EXPH5: variants seen among roughly 807,000 people sequenced by gnomAD.
EXPH5 encodes the protein exophilin-5.
Under a neutral mutation model 41.1 loss-of-function variants are expected in EXPH5, and 42 were observed. The observed-to-expected ratio is 1.02, with a 90% CI of 0.80 to 1.32. The LOEUF (loss-of-function observed/expected upper bound fraction) is 1.32. Among genes scored for constraint, EXPH5 ranks in the 40% most tolerant of loss-of-function variants. The pLI is 0.00. For synonymous variants in EXPH5, 798 were observed against 833.5 expected (o/e 0.96, Z 0.73); for missense variants, 2,298 against 2,314.5 (o/e 0.99, Z 0.15).
intron 3 of EXPH5, among the ~76,000 whole-genome samples, chr11:108,533,091 A>G (rs2093854119): frequency 6.6e-6 from 1 of 152,142 alleles, no homozygotes; most frequent in Non-Finnish European, 1.5e-5. Context: ...TCTTCCTCAG[A>G]TTCTTCATGA....
intron 1 of EXPH5, among the ~76,000 whole-genome samples, chr11:108,576,491 A>C (rs1379706131): frequency 6.6e-6 from 1 of 152,152 alleles, no homozygotes; most frequent in African/African-American, 2.4e-5. Context: ...AACATTGTTA[A>C]TGTACAAAAT....
chr11:108,522,409 C>T (rs2093770901), intron 4 of EXPH5, among the ~76,000 whole-genome samples: 1 of 152,076 alleles, frequency 6.6e-6, no homozygotes, highest in Non-Finnish European at 1.5e-5. Context: ...TTTAACTACC[C>T]TATGGAGTTG....
chr11:108,539,267 G>A lies in EXPH5; in HGVS notation c.281-81C>T, dbSNP rs557582827. ...GAAAGAATGAAGCCTTTGCTCTTGT[G>A]TCACTTTCTCCCTCTTATGCAGACT... On this transcript the variant is annotated intron_variant, in intron 2 of 5. Coordinates refer to ENST00000265843, the MANE Select transcript of EXPH5 (RefSeq NM_015065.3). The A allele has an allele frequency of 6.1e-5, 65 of 1,063,718 alleles. No homozygotes were observed. The East Asian group carries it at 1.5e-3, about 25-fold the overall frequency. 65.9% of individuals were successfully genotyped at this position (1,063,718 alleles called of 1,614,324 possible).
chr11:108,538,517 T>C (rs2093893484), intron 3 of EXPH5, among the ~76,000 whole-genome samples: 1 of 152,194 alleles, frequency 6.6e-6, no homozygotes, highest in East Asian at 1.9e-4. Flanking sequence ...CCTTCAGTAT[T>C]TCTAGTAACA....
chr11:108,604,884 C>T, the EXPH5 span, among the ~76,000 whole-genome samples: 5 of 152,052 alleles, frequency 3.3e-5, no homozygotes, highest in Non-Finnish European at 7.4e-5. Flanking sequence ...TGTAAGTGTA[C>T]AGGAAATTTT....
In EXPH5 at chr11:108,518,252, T is replaced by C. The variant is rs1216089997; in HGVS notation, c.614A>G (p.Glu205Gly). 5 of 1,613,412 alleles carry C rather than the reference T, an allele frequency of 3.1e-6. No homozygotes were observed. Among genetic ancestry groups the C allele is most frequent in the Non-Finnish European group, 4.2e-6 (5 of 1,179,804 alleles). The change falls in exon 5 of 6, where the codon GAG becomes GGG. Residue 205 changes from glutamate (E) to glycine (G), a missense_variant. Physicochemically the swap from Glu to Gly is moderately conservative, Grantham distance 98. Transcript: ENST00000265843. ...GAACTTACCTTGGAAAAACTCATTC[T>C]CCAGCAGTGAAGCATCCCACGGTGG... ...MPPPWDASLLENEFFQVLDDL... is the reference protein window; with the variant it reads ...MPPPWDASLLGNEFFQVLDDL...
chr11:108,581,346 G>T (rs2094097655), intron 1 of EXPH5, among the ~76,000 whole-genome samples: 1 of 151,850 alleles, frequency 6.6e-6, no homozygotes, highest in African/African-American at 2.4e-5. Context: ...CATATATATA[G>T]TTTCAAATAG....
Position 108,509,884 on chromosome 11 carries a change from T to C in EXPH5, c.5623A>G (p.Arg1875Gly), listed in dbSNP as rs2093665267. ...GGTCTGTATATAGATATTGCAGACC[T>C]GGGACCTGTTTTTGTCCCGCTGCGA... The part of the protein sequence containing the change: ...AYRSGTKTGP[R>G]SAISIYRPID... Residue 1875 changes from arginine (R) to glycine (G), a missense_variant, in exon 6 of 6, where the codon AGG (arginine) becomes GGG (glycine). Arg to Gly is a moderately radical substitution (Grantham distance 125). Transcript: ENST00000265843. 2 of 1,609,124 alleles carry C rather than the reference T, an allele frequency of 1.2e-6. No homozygotes were observed. Among genetic ancestry groups the C allele is most frequent in the Admixed American group, 1.7e-5 (1 of 58,948 alleles).
At chr11:108,529,591 T>G (rs1378837567) in intron 3 of EXPH5, among the ~76,000 whole-genome samples, 2 of 152,158 alleles carry the variant, frequency 1.3e-5, no homozygotes, top group African/African-American at 4.8e-5. Flanking sequence ...CTGCCTATAA[T>G]CCCAGCACTT....
intron 1 of EXPH5, among the ~76,000 whole-genome samples, chr11:108,545,426 G>A (rs1304784266): frequency 6.6e-6 from 1 of 152,178 alleles, no homozygotes; most frequent in Non-Finnish European, 1.5e-5. Context: ...AGAGATTACA[G>A]TCTAGTGGGA....
chr11:108,525,379 G>T (rs2093791727), intron 4 of EXPH5, among the ~76,000 whole-genome samples: 1 of 152,168 alleles, frequency 6.6e-6, no homozygotes, highest in Non-Finnish European at 1.5e-5. Context: ...GCCAGAGTTT[G>T]TTCAGAGATA....
intron 3 of EXPH5, among the ~76,000 whole-genome samples, chr11:108,538,664 T>C (rs1017280445): frequency 6.6e-6 from 1 of 152,216 alleles, no homozygotes; most frequent in South Asian, 2.1e-4. Context: ...CCAGGACACA[T>C]ACTCTGCAAA....
In EXPH5 at chr11:108,508,433, G is replaced by C. The variant is rs370327993; in HGVS notation, c.*1104C>G. 1 of 152,690 alleles carries C rather than the reference G, an allele frequency of 6.5e-6. No individual in the cohort carries two copies. Among genetic ancestry groups the C allele is most frequent in the South Asian group, 2.1e-4 (1 of 4,840 alleles). 9.5% of individuals were successfully genotyped at this position (152,690 alleles called of 1,614,324 possible). A position where few individuals can be genotyped will look rare whatever the true frequency, so the allele number is the denominator to read the frequency against. ...GAGGCAGGAGAATCGCTTGAACCCG[G>C]GAGGCGGAGGTTGCAGTGAGCCCAG... On this transcript the variant is annotated 3_prime_UTR_variant, in exon 6 of 6. Transcript: ENST00000265843.
At position 108,510,836 on chromosome 11, in the gene EXPH5, A is replaced by C; in HGVS notation, c.4671T>G (p.Asp1557Glu). 1 of 1,614,076 alleles carries C rather than the reference A, an allele frequency of 6.2e-7. No individual in the cohort carries two copies. Among genetic ancestry groups the C allele is most frequent in the Non-Finnish European group, 8.5e-7 (1 of 1,180,020 alleles). ...GATCCCAAGCTGACTTCTGCATTTC[A>C]TCTTCAGCCTTCCTGCTCTCTGTCA... is the stretch of plus-strand genomic sequence containing the variant. ...ANMTESRKAEDEMQKSAWDQP... is the reference protein window; with the variant it reads ...ANMTESRKAEEEMQKSAWDQP... The change falls in exon 6 of 6, where the codon GAT becomes GAG. Residue 1557 changes from aspartate (D) to glutamate (E), a missense_variant. Physicochemically the swap from Asp to Glu is conservative, Grantham distance 45. Coordinates refer to ENST00000265843, the MANE Select transcript of EXPH5 (RefSeq NM_015065.3).
chr11:108,583,822 C>CA (rs1236654141), intron 1 of EXPH5, among the ~76,000 whole-genome samples: 1 of 151,936 alleles, frequency 6.6e-6, no homozygotes, highest in Admixed American at 6.6e-5. Flanking sequence ...CAATATTAGG[C>CA]AAGAAAAAGA....
chr11:108,561,081 G>T (rs989195566), intron 1 of EXPH5, among the ~76,000 whole-genome samples: 4 of 152,140 alleles, frequency 2.6e-5, no homozygotes, highest in African/African-American at 9.7e-5. Flanking sequence ...GTGTCTCAGT[G>T]CATCAAGAAT....
chr11:108,538,260 A>G, intron 3 of EXPH5: 2 of 985,404 alleles, frequency 2.0e-6, no homozygotes, highest in Non-Finnish European at 2.4e-6. Flanking sequence ...ATCACGTGCC[A>G]AGCCAACACC....
chr11:108,591,169 C>CT (rs1262705467), intron 1 of EXPH5, among the ~76,000 whole-genome samples: 1 of 152,196 alleles, frequency 6.6e-6, no homozygotes, highest in Non-Finnish European at 1.5e-5. Flanking sequence ...TGAAGCATCT[C>CT]TTTTTTGTTG....
At chr11:108,533,570 G>C (rs1372479620) in intron 3 of EXPH5, among the ~76,000 whole-genome samples, 1 of 152,008 alleles carries the variant, frequency 6.6e-6, no homozygotes, top group Non-Finnish European at 1.5e-5. Context: ...CTTAGTTTAG[G>C]CCACCATTAT....
Sources: gnomAD v4.1 joint callset for allele counts (sites outside exome capture counted in the v4.1 genomes callset) on GRCh38, gnomAD v4.1.1 for gene constraint, MANE v1.5 for transcripts, NCBI Gene and HGNC (gene_info 2026-07-23, HGNC 2026-07-21) for gene names.